GPC5: variants seen among roughly 807,000 people sequenced by gnomAD.
GPC5 encodes glypican-5.
GPC5 carries 47 observed loss-of-function variants against 53.9 expected under a neutral mutation model. That is an observed-to-expected ratio of 0.87 (90% CI 0.69 to 1.11). The LOEUF (loss-of-function observed/expected upper bound fraction) is 1.11. Ranked by LOEUF, GPC5 falls within the 50% of genes most tolerant of loss-of-function variation. The probability of loss-of-function intolerance (pLI) is 0.00; values close to 1 mark genes in which losing one functional copy is unlikely to be tolerated. For synonymous variants in GPC5, 286 were observed against 263.3 expected, an observed-to-expected ratio of 1.09 and a Z score of -0.84; for missense variants, 748 against 713.1, an observed-to-expected ratio of 1.05 and a Z score of -0.56.
At chr13:91,430,736 T>A (rs76982452) in intron 1 of GPC5, among the ~76,000 whole-genome samples, 7,813 of 152,256 alleles carry the variant, frequency 0.051, 303 homozygotes, top group East Asian at 0.18. Context: ...AAATCCCTCA[T>A]GATTTTTGCC....
At chr13:92,453,776 C>G (rs1878159551) in intron 7 of GPC5, among the ~76,000 whole-genome samples, 1 of 152,140 alleles carries the variant, frequency 6.6e-6, no homozygotes, top group Non-Finnish European at 1.5e-5. Context: ...CACATTTATT[C>G]TTTCTTCATC....
At chr13:92,263,698 C>A (rs1459063533) in intron 7 of GPC5, among the ~76,000 whole-genome samples, 2 of 152,004 alleles carry the variant, frequency 1.3e-5, no homozygotes, top group South Asian at 4.1e-4. Context: ...AAAATATTAA[C>A]CCATAGTGTT....
intron 2 of GPC5, among the ~76,000 whole-genome samples, chr13:91,684,682 C>G (rs1004192430): frequency 6.6e-6 from 1 of 152,166 alleles, no homozygotes; most frequent in Non-Finnish European, 1.5e-5. Context: ...CCTGTTTTCA[C>G]TCTTACACCC....
intron 7 of GPC5, among the ~76,000 whole-genome samples, chr13:92,338,629 G>A (rs1594111100): frequency 1.3e-5 from 2 of 152,086 alleles, no homozygotes; most frequent in South Asian, 4.1e-4. Context: ...AAAGAAAGAA[G>A]CCAGTCTTAA....
intron 5 of GPC5, among the ~76,000 whole-genome samples, chr13:91,763,926 T>G (rs918313535): frequency 1.3e-5 from 2 of 152,248 alleles, no homozygotes; most frequent in African/African-American, 4.8e-5. Flanking sequence ...CACATCCTCC[T>G]GTTTACTTTA....
At chr13:91,510,798 T>A (rs1885194317) in intron 2 of GPC5, among the ~76,000 whole-genome samples, 1 of 152,190 alleles carries the variant, frequency 6.6e-6, no homozygotes, top group Admixed American at 6.5e-5. Flanking sequence ...TTAATATTTG[T>A]TGCTACTTTT....
chr13:91,884,018 A>G (rs1566321496), intron 5 of GPC5, among the ~76,000 whole-genome samples: 1 of 152,200 alleles, frequency 6.6e-6, no homozygotes, highest in Non-Finnish European at 1.5e-5. Flanking sequence ...ATCAGTGATC[A>G]TTAAAGAAAC....
rs1466954952 is a variant in GPC5, at chr13:92,730,214, A to C, written c.1562-136068A>C. On this transcript the variant is annotated intron_variant, in intron 7 of 7. Coordinates refer to ENST00000377067, the MANE Select transcript of GPC5 (RefSeq NM_004466.6). ...TTTTTTAATAGACTTCATTTTTAGC[A>C]GTTTTAAGTTTAGAGAGAAAAATAA... 5.3e-5 allele frequency among the ~76,000 whole-genome samples: 8 copies of C among 151,354 alleles called. 1 individual carries two copies.
At chr13:92,705,821 C>T (rs1481847844) in intron 7 of GPC5, 1 of 151,824 alleles carries the variant, frequency 6.6e-6, no homozygotes. Flanking sequence ...CACAGTGGCT[C>T]ACACCTGTAG....
In GPC5 at chr13:91,526,942, G is replaced by A. The variant is rs147859831; in HGVS notation, c.325+78020G>A. 1.1e-3 allele frequency among the ~76,000 whole-genome samples: 167 copies of A among 152,162 alleles called. 4 individuals are homozygous for A. In the East Asian group the frequency reaches 0.028, roughly 25 times the overall value. On this transcript the variant is annotated intron_variant, in intron 2 of 7. Transcript: ENST00000377067. ...TCCCTCACTATCACAAGAACAGCATGGGGGGAACTGCCACCATGAGCCAAT... is the reference window on the plus strand; with the variant it reads ...TCCCTCACTATCACAAGAACAGCATAGGGGGAACTGCCACCATGAGCCAAT...
chr13:92,831,348 G>T (rs1257806737), intron 7 of GPC5, among the ~76,000 whole-genome samples: 2 of 151,982 alleles, frequency 1.3e-5, no homozygotes, highest in African/African-American at 2.4e-5. Flanking sequence ...ATCATATTGA[G>T]ATTATTTATT....
intron 7 of GPC5, among the ~76,000 whole-genome samples, chr13:92,628,260 C>CT (rs1286424637): frequency 1.6e-4 from 6 of 37,548 alleles, no homozygotes; most frequent in African/African-American, 4.9e-4. Context: ...TTTTCTTTTT[C>CT]TTTCTTTTTT....
intron 7 of GPC5, among the ~76,000 whole-genome samples, chr13:92,793,194 C>T (rs1876529827): frequency 6.6e-6 from 1 of 152,062 alleles, no homozygotes; most frequent in Admixed American, 6.6e-5. Flanking sequence ...TCTCTCAGAC[C>T]ACAGTGCAAT....
At chr13:92,110,764 A>C (rs548538729) in intron 6 of GPC5, among the ~76,000 whole-genome samples, 4 of 152,340 alleles carry the variant, frequency 2.6e-5, no homozygotes, top group African/African-American at 7.2e-5. Flanking sequence ...CTGTCTCCTC[A>C]TGTTTGTAAA....
chr13:92,177,660 A>G (rs1223430368), intron 7 of GPC5, among the ~76,000 whole-genome samples: 2 of 152,124 alleles, frequency 1.3e-5, no homozygotes, highest in Admixed American at 1.3e-4. Context: ...TTATGTCAGC[A>G]AAATTGTGTT....
At chr13:91,496,195 A>G (rs1884253999) in intron 2 of GPC5, among the ~76,000 whole-genome samples, 1 of 152,208 alleles carries the variant, frequency 6.6e-6, no homozygotes, top group African/African-American at 2.4e-5. Context: ...ATTATAAACG[A>G]TTTCAACATA....
chr13:92,366,429 C>T (rs1278410029), intron 7 of GPC5, among the ~76,000 whole-genome samples: 3 of 151,558 alleles, frequency 2.0e-5, no homozygotes, highest in Non-Finnish European at 4.4e-5. Flanking sequence ...GGAATGGATC[C>T]CTCATACATA....
chr13:92,639,646 T>C (rs1019398327), intron 7 of GPC5, among the ~76,000 whole-genome samples: 1 of 152,252 alleles, frequency 6.6e-6, no homozygotes, highest in African/African-American at 2.4e-5. Context: ...TCTTAAACCA[T>C]TTATTCAAAC....
At chr13:92,817,294 G>T (rs766354544) in intron 7 of GPC5, among the ~76,000 whole-genome samples, 11 of 151,970 alleles carry the variant, frequency 7.2e-5, no homozygotes, top group African/African-American at 1.5e-4. Flanking sequence ...CAATTCTGCA[G>T]CAGGAAAAAG....
Sources: gnomAD v4.1 joint callset for allele counts (sites outside exome capture counted in the v4.1 genomes callset) on GRCh38, gnomAD v4.1.1 for gene constraint, MANE v1.5 for transcripts, NCBI Gene and HGNC (gene_info 2026-07-23, HGNC 2026-07-21) for gene names.